CLIC5: variants seen among roughly 807,000 people sequenced by gnomAD.
CLIC5 encodes the protein CLIC family member 5.
In CLIC5, 20 loss-of-function variants were observed where a neutral mutation model predicts 24.7. The ratio of observed to expected loss-of-function variants is 0.81; its 90% CI spans 0.57 to 1.18. CLIC5 has a LOEUF of 1.18. Among genes scored for constraint, CLIC5 ranks in the 50% most tolerant of loss-of-function variants. The probability of loss-of-function intolerance (pLI) is 0.00; values close to 1 mark genes in which losing one functional copy is unlikely to be tolerated. For missense variants in CLIC5, 341 were observed against 326.1 expected (o/e 1.05, Z -0.35); for synonymous variants, 159 against 135.6 (o/e 1.17, Z -1.20).
intron 1 of CLIC5, among the ~76,000 whole-genome samples, chr6:46,029,169 G>A (rs1207382100): frequency 3.9e-5 from 6 of 152,112 alleles, no homozygotes; most frequent in African/African-American, 1.4e-4. Flanking sequence ...CTAGCAATGA[G>A]CACAGTGCCT....
chr6:46,109,770 T>C, the CLIC5 span, among the ~76,000 whole-genome samples: 1 of 152,092 alleles, frequency 6.6e-6, no homozygotes, highest in African/African-American at 2.4e-5. Context: ...AGTTGAAATG[T>C]TTATCTTACT....
chr6:46,045,874 A>G, intron 1 of CLIC5, among the ~76,000 whole-genome samples: 1 of 152,102 alleles, frequency 6.6e-6, no homozygotes, highest in East Asian at 1.9e-4. Context: ...TATTCATGCA[A>G]TTTTGAACAT....
At chr6:46,083,485 T>C (rs1427025618), upstream of CLIC5, among the ~76,000 whole-genome samples, 6 of 152,258 alleles carry the variant, frequency 3.9e-5, no homozygotes, top group South Asian at 2.1e-4. Flanking sequence ...TCTTTGTTCT[T>C]GTTGGTTTCA....
downstream of CLIC5, among the ~76,000 whole-genome samples, chr6:45,896,794 T>C (rs1225996062): frequency 6.6e-6 from 1 of 152,158 alleles, no homozygotes; most frequent in East Asian, 1.9e-4. Flanking sequence ...CACAGAGAGA[T>C]GATGTCTCCC....
chr6:45,907,525 G>T (rs1762694855), intron 5 of CLIC5, among the ~76,000 whole-genome samples: 2 of 152,232 alleles, frequency 1.3e-5, no homozygotes, highest in South Asian at 4.2e-4. Context: ...TGGTATCAGG[G>T]TGGTGCTAGC....
chr6:45,964,620 C>T (rs1764958905), intron 1 of CLIC5, among the ~76,000 whole-genome samples: 1 of 152,176 alleles, frequency 6.6e-6, no homozygotes, highest in Non-Finnish European at 1.5e-5. Context: ...AGCTAATAGT[C>T]TCAGCAACGT....
At chr6:46,029,659 C>G (rs985484534) in intron 1 of CLIC5, among the ~76,000 whole-genome samples, 2 of 152,090 alleles carry the variant, frequency 1.3e-5, no homozygotes, top group Admixed American at 6.6e-5. Context: ...AACCTTGTTT[C>G]TTAGGGGAGC....
At chr6:46,047,644 C>T (rs951807206) in intron 1 of CLIC5, among the ~76,000 whole-genome samples, 1 of 152,154 alleles carries the variant, frequency 6.6e-6, no homozygotes, top group African/African-American at 2.4e-5. Flanking sequence ...CCAAAGTAGA[C>T]TTTTATGTAT....
intron 6 of CLIC5, among the ~76,000 whole-genome samples, chr6:45,893,191 A>T (rs1762367538): frequency 6.7e-6 from 1 of 148,810 alleles, no homozygotes; most frequent in Admixed American, 6.7e-5. Context: ...TTGTATGGCA[A>T]CTTGATAAAT....
At chr6:46,086,288 T>A in the CLIC5 span, among the ~76,000 whole-genome samples, 1 of 152,264 alleles carries the variant, frequency 6.6e-6, no homozygotes, top group Non-Finnish European at 1.5e-5. Flanking sequence ...CCTAGTGAGA[T>A]GAACCCGGTA....
chr6:45,994,676 G>T (rs1054895617), intron 1 of CLIC5, among the ~76,000 whole-genome samples: 15 of 152,134 alleles, frequency 9.9e-5, no homozygotes, highest in African/African-American at 3.6e-4. Flanking sequence ...CTCATGAGTG[G>T]TGAAAGAAGC....
downstream of CLIC5, among the ~76,000 whole-genome samples, chr6:45,895,177 T>C (rs529142289): frequency 8.5e-5 from 13 of 152,320 alleles, no homozygotes; most frequent in South Asian, 2.5e-3. Flanking sequence ...CTAATGAACC[T>C]ATATGCGGAA....
At chr6:45,967,741 G>C (rs888038374) in intron 1 of CLIC5, among the ~76,000 whole-genome samples, 7 of 152,140 alleles carry the variant, frequency 4.6e-5, no homozygotes, top group African/African-American at 9.7e-5. Flanking sequence ...TATGATCATA[G>C]TGGAAAGCAA....
intron 4 of CLIC5, among the ~76,000 whole-genome samples, chr6:45,930,672 G>A (rs3798263): frequency 0.069 from 10,528 of 152,252 alleles, 683 homozygotes; most frequent in East Asian, 0.21. Flanking sequence ...CAGTCCAAAG[G>A]GTGGACACTA....
chr6:45,999,268 T>A (rs1266041458), intron 1 of CLIC5, among the ~76,000 whole-genome samples: 1 of 152,162 alleles, frequency 6.6e-6, no homozygotes, highest in Non-Finnish European at 1.5e-5. Context: ...AAATCAAGTT[T>A]CCTAAACTCC....
chr6:46,047,622 A>C (rs1767988260), intron 1 of CLIC5, among the ~76,000 whole-genome samples: 1 of 152,236 alleles, frequency 6.6e-6, no homozygotes. Flanking sequence ...TATATTTTTC[A>C]GTGGGAAGTA....
chr6:45,974,542 G>C (rs1429655739), intron 1 of CLIC5, among the ~76,000 whole-genome samples: 4 of 142,102 alleles, frequency 2.8e-5, no homozygotes, highest in Non-Finnish European at 6.1e-5. Flanking sequence ...GAGAGAGAGA[G>C]AGAGAGAGAG....
At chr6:45,971,570 T>C (rs1325875699) in intron 1 of CLIC5, among the ~76,000 whole-genome samples, 3 of 152,220 alleles carry the variant, frequency 2.0e-5, no homozygotes, top group African/African-American at 4.8e-5. Context: ...TAATGACAGA[T>C]AGTCTTCTAG....
chr6:45,999,730 T>TG lies in CLIC5; in HGVS notation c.63+15749dup, dbSNP rs1215178260. Among the ~76,000 whole-genome samples, 2 of 74,302 alleles carry TG rather than the reference T, an allele frequency of 2.7e-5. 1 individual carries two copies. Among genetic ancestry groups the TG allele is most frequent in the Non-Finnish European group, 5.1e-5 (2 of 39,402 alleles). 48.7% of individuals were successfully genotyped at this position (74,302 alleles called of 152,430 possible). A position where few individuals can be genotyped will look rare whatever the true frequency, so the allele number is the denominator to read the frequency against. Reference sequence around the variant, plus strand: ...TAGTAAATCTATTTTCTCTTCCTTGTGGTTTTTTTTTTTTTTTTTTTTTTT... The same window carrying TG: ...TAGTAAATCTATTTTCTCTTCCTTGTGGGTTTTTTTTTTTTTTTTTTTTTTT... On this transcript the variant is annotated intron_variant, in intron 1 of 5. Transcript: ENST00000339561.
Sources: allele counts gnomAD v4.1 joint callset (sites outside exome capture counted in the v4.1 genomes callset), GRCh38; gene constraint gnomAD v4.1.1; transcripts MANE v1.5; gene names NCBI Gene and HGNC (gene_info 2026-07-23, HGNC 2026-07-21).